The following VPS39 variants were observed in gnomAD, a reference collection of about 807,000 sequenced individuals.
VPS39 encodes VPS39 subunit of HOPS complex.
A neutral mutation model predicts 121.0 loss-of-function variants in VPS39; 70 were observed. The observed-to-expected ratio is 0.58, with a 90% CI of 0.48 to 0.71. The LOEUF (loss-of-function observed/expected upper bound fraction) is 0.71, where lower values mean the gene tolerates loss of function less well. Among genes scored for constraint, VPS39 ranks in the 30% least tolerant of loss-of-function variants. VPS39 has a pLI of 0.00. For missense variants in VPS39, 818 were observed against 1,051.5 expected (o/e 0.78, Z 3.07); for synonymous variants, 378 against 398.1 (o/e 0.95, Z 0.60).
At chr15:42,203,777 T>A (rs1447494441) in intron 1 of VPS39, among the ~76,000 whole-genome samples, 2 of 152,236 alleles carry the variant, frequency 1.3e-5, no homozygotes, top group Admixed American at 1.3e-4. Context: ...AGAGGACCTG[T>A]CCCATGTTGG....
intron 13 of VPS39, 75 bp downstream of exon 13, chr15:42,167,317 GTC>G (rs1279252565): frequency 6.4e-7 from 1 of 1,562,016 alleles, no homozygotes; most frequent in Admixed American, 1.8e-5. Context: ...GTCCCTCAGG[GTC>G]TAGCACTCCC....
At position 42,162,177 on chromosome 15, in the gene VPS39, G is replaced by C; in HGVS notation, c.2326-11C>G. 1 of 1,614,166 alleles carries C rather than the reference G, an allele frequency of 6.2e-7. No homozygotes were observed. Among genetic ancestry groups the C allele is most frequent in the East Asian group, 2.2e-5 (1 of 44,890 alleles). On this transcript the variant is annotated splice_polypyrimidine_tract_variant and intron_variant, in intron 22 of 24. Coordinates refer to ENST00000318006, the MANE Select transcript of VPS39 (RefSeq NM_015289.5). ...CAGAAGGTTGAGGGCCTAGGGACAGGAACAGAGATAGGGACTGGGTGAGGT... is the reference window on the plus strand; with the variant it reads ...CAGAAGGTTGAGGGCCTAGGGACAGCAACAGAGATAGGGACTGGGTGAGGT...
chr15:42,198,364 A>C (rs2140887469), intron 2 of VPS39, among the ~76,000 whole-genome samples: 1 of 152,138 alleles, frequency 6.6e-6, no homozygotes, highest in East Asian at 1.9e-4. Flanking sequence ...TAAAAAAAGA[A>C]ATTTTTTTTT....
At chr15:42,174,918 G>A (rs2049418286) in intron 10 of VPS39, among the ~76,000 whole-genome samples, 1 of 151,944 alleles carries the variant, frequency 6.6e-6, no homozygotes, top group African/African-American at 2.4e-5. Flanking sequence ...AGGTTGCAGT[G>A]AGCCAAGATC....
At chr15:42,168,284 T>G (rs2049283200) in intron 12 of VPS39, among the ~76,000 whole-genome samples, 1 of 152,228 alleles carries the variant, frequency 6.6e-6, no homozygotes, top group Non-Finnish European at 1.5e-5. Context: ...ACATTGGCAG[T>G]GGAGGGCCTT....
Position 42,162,370 on chromosome 15 carries a change from C to T in VPS39, c.2287G>A (p.Val763Ile). ...PKANLQAALQ[V>I]LELHHSKLDT... is the part of the protein sequence containing the mutation. The stretch of plus-strand genomic sequence containing the variant: ...AGTTTGCTGTGGTGTAGCTCGAGGA[C>T]CTGCAGAGCGGCCTGGAGGTTGGCT... Residue 763 changes from valine (V) to isoleucine (I), a missense_variant, in exon 22 of 25, where the codon GTC becomes ATC. Val to Ile is a conservative substitution (Grantham distance 29, BLOSUM62 3). Transcript: ENST00000318006. The T allele has an allele frequency of 3.1e-6, 5 of 1,611,520 alleles. No homozygotes were observed. Among genetic ancestry groups the T allele is most frequent in the Non-Finnish European group, 3.4e-6 (4 of 1,178,848 alleles).
chr15:42,197,452 C>A (rs889613098), intron 2 of VPS39, among the ~76,000 whole-genome samples: 19 of 151,100 alleles, frequency 1.3e-4, no homozygotes, highest in Non-Finnish European at 2.7e-4. Context: ...ACCTGGGAGG[C>A]TGAGGTGGGA....
In VPS39 at chr15:42,160,597, CTAAT is replaced by C. The variant is rs1294053870; in HGVS notation, c.*153_*156del. 1.5e-5 allele frequency: 10 copies of C among 675,084 alleles called. No individual in the cohort carries two copies. Among genetic ancestry groups the C allele is most frequent in the Non-Finnish European group, 2.4e-5 (9 of 375,540 alleles). 41.8% of individuals were successfully genotyped at this position (675,084 alleles called of 1,614,324 possible). A position where few individuals can be genotyped will look rare whatever the true frequency, so the allele number is the denominator to read the frequency against. On this transcript the variant is annotated 3_prime_UTR_variant, in exon 25 of 25. Transcript: ENST00000318006. ...AAGCTGGCAATGCCAGACCATGAGT[CTAAT>C]TAATTCAGAGTTGTTCCAGGGCACA...
intron 12 of VPS39, among the ~76,000 whole-genome samples, chr15:42,168,576 C>T (rs928952802): frequency 1.2e-4 from 18 of 149,506 alleles, no homozygotes; most frequent in African/African-American, 4.4e-4. Context: ...CAGAGTCTCA[C>T]TCTGTTGCCC....
chr15:42,179,598 TAAATAAATAAATAAATAAATAAATA>T (rs1428824447), intron 8 of VPS39, among the ~76,000 whole-genome samples: 31 of 115,952 alleles, frequency 2.7e-4, no homozygotes, highest in Admixed American at 1.0e-3. Flanking sequence ...AATAAATAAA[TAAATAAATAAATAAATAAATAAATA>T]AAATAAAAAA....
intron 8 of VPS39, among the ~76,000 whole-genome samples, chr15:42,179,324 C>T (rs2049525583): frequency 6.6e-6 from 1 of 151,700 alleles, no homozygotes; most frequent in South Asian, 2.1e-4. Flanking sequence ...AATCCTAGCA[C>T]TTTGGGAGGC....
chr15:42,179,366 G>A (rs1263437650), intron 8 of VPS39, among the ~76,000 whole-genome samples: 1 of 151,352 alleles, frequency 6.6e-6, no homozygotes, highest in East Asian at 1.9e-4. Flanking sequence ...TCAGGAGATC[G>A]AGACCATCCT....
chr15:42,194,122 C>A (rs1221443907), intron 2 of VPS39, among the ~76,000 whole-genome samples: 1 of 152,052 alleles, frequency 6.6e-6, no homozygotes, highest in Non-Finnish European at 1.5e-5. Flanking sequence ...CTTGTACTGC[C>A]TAACCAAGAA....
chr15:42,187,449 G>T, intron 6 of VPS39, 86 bp from the exon 7 acceptor site: 1 of 1,239,964 alleles, frequency 8.1e-7, no homozygotes, highest in Non-Finnish European at 1.1e-6. Flanking sequence ...CCTCCATTCT[G>T]CAAAACAACC....
At chr15:42,187,161 C>T (rs1463513217) in intron 7 of VPS39, 110 bp downstream of exon 7, 1 of 748,432 alleles carries the variant, frequency 1.3e-6, no homozygotes, top group African/African-American at 1.8e-5. Context: ...ATAACAAATC[C>T]TGTTATGCCA....
intron 8 of VPS39, among the ~76,000 whole-genome samples, chr15:42,183,695 C>T (rs1239912242): frequency 6.6e-6 from 1 of 152,184 alleles, no homozygotes; most frequent in Non-Finnish European, 1.5e-5. Flanking sequence ...GAAACTTCTT[C>T]CTAATTAAAC....
intron 10 of VPS39, among the ~76,000 whole-genome samples, chr15:42,174,512 A>ACC (rs1312085212): frequency 6.6e-6 from 1 of 152,248 alleles, no homozygotes; most frequent in Non-Finnish European, 1.5e-5. Context: ...TCTGGAACAG[A>ACC]AAAAAGGACA....
intron 2 of VPS39, among the ~76,000 whole-genome samples, chr15:42,199,075 A>T (rs946047814): frequency 4.6e-5 from 7 of 152,122 alleles, no homozygotes; most frequent in Admixed American, 4.6e-4. Flanking sequence ...CTATCTCTTA[A>T]GCTATTTACC....
rs147603694 is a variant in VPS39 at position 42,199,818 on chromosome 15, C to T, written c.139+78G>A. 1.2e-3 allele frequency: 1,715 copies of T among 1,444,494 alleles called. 16 individuals are homozygous for T. The African/African-American group carries it at 0.023, about 19-fold the overall frequency. The allele number at this position is 1,444,494 out of a possible 1,614,324, so 89.5% of individuals were successfully genotyped here. On this transcript the variant is annotated intron_variant, in intron 2 of 24. Coordinates refer to ENST00000318006, the MANE Select transcript of VPS39 (RefSeq NM_015289.5). ...AACCTTCAATCTCTCTTTTAATGGT[C>T]CAGGAATAACTGATTTCACAGTTGT...
Sources: allele counts gnomAD v4.1 joint callset (sites outside exome capture counted in the v4.1 genomes callset), GRCh38; gene constraint gnomAD v4.1.1; transcripts MANE v1.5; gene names NCBI Gene and HGNC (gene_info 2026-07-23, HGNC 2026-07-21).